Variants in KCNIP1 observed in about 807,000 individuals in gnomAD.
The protein encoded by KCNIP1 is A-type potassium channel modulatory protein KCNIP1.
In KCNIP1, 18 loss-of-function variants were observed where a neutral mutation model predicts 33.0. The observed-to-expected ratio is 0.55, with a 90% CI of 0.38 to 0.81. The LOEUF is 0.81. KCNIP1 is among the 30% of genes least tolerant of loss of function. The pLI is 0.00. For missense variants in KCNIP1, 238 were observed against 271.6 expected (o/e 0.88, Z 0.87); for synonymous variants, 93 against 98.3 (o/e 0.95, Z 0.32).
At chr5:170,726,889 T>C (rs1380344425) in intron 5 of KCNIP1, among the ~76,000 whole-genome samples, 2 of 151,522 alleles carry the variant, frequency 1.3e-5, no homozygotes, top group African/African-American at 2.4e-5. Context: ...CCAGCCTGGG[T>C]GACAGAGCAA....
chr5:170,700,074 C>CT (rs1763039935), intron 1 of KCNIP1, among the ~76,000 whole-genome samples: 1 of 152,168 alleles, frequency 6.6e-6, no homozygotes, highest in South Asian at 2.1e-4. Context: ...CCCTCTGGGC[C>CT]TTGTTCCCTT....
At chr5:170,714,715 A>T (rs1252152056) in intron 1 of KCNIP1, among the ~76,000 whole-genome samples, 3 of 152,146 alleles carry the variant, frequency 2.0e-5, no homozygotes, top group East Asian at 3.8e-4. Context: ...AAAATAAAAA[A>T]TTTTTAAATA....
intron 1 of KCNIP1, among the ~76,000 whole-genome samples, chr5:170,466,054 C>T (rs1350439500): frequency 6.6e-6 from 1 of 152,022 alleles, no homozygotes; most frequent in East Asian, 1.9e-4. Context: ...GTGCATTTTT[C>T]CAGTAAAGAA....
chr5:170,401,817 A>G (rs314139), intron 1 of KCNIP1, among the ~76,000 whole-genome samples: 2,880 of 151,866 alleles, frequency 0.019, 94 homozygotes, highest in African/African-American at 0.067. Context: ...CAGGCCCTGC[A>G]CTAGGCCTGG....
At position 170,368,958 on chromosome 5, in the gene KCNIP1, A is replaced by C. The variant is rs534672462; in HGVS notation, c.88+14994A>C. On this transcript the variant is annotated intron_variant, in intron 1 of 7. Coordinates refer to the KCNIP1 transcript ENST00000377360. ...TTCAGAAACACAAATTCGCATGTGC[A>C]CAGAGAGAGACAGAGACAGAGAGAA... is the stretch of plus-strand genomic sequence containing the variant. 3.3e-5 allele frequency among the ~76,000 whole-genome samples: 5 copies of C among 152,374 alleles called. No individual in the cohort carries two copies. In the East Asian group the frequency reaches 9.6e-4, roughly 29 times the overall value.
At chr5:170,474,066 G>A (rs1561642018) in intron 1 of KCNIP1, among the ~76,000 whole-genome samples, 1 of 152,222 alleles carries the variant, frequency 6.6e-6, no homozygotes, top group Non-Finnish European at 1.5e-5. Context: ...GTTATTATGA[G>A]AAACTGCAGA....
At chr5:170,602,172 T>C (rs2113589805) in intron 1 of KCNIP1, among the ~76,000 whole-genome samples, 1 of 152,318 alleles carries the variant, frequency 6.6e-6, no homozygotes, top group East Asian at 1.9e-4. Flanking sequence ...CATCCTTTGC[T>C]TTGGGGACAG....
At chr5:170,445,748 CT>C (rs1756098693) in intron 1 of KCNIP1, among the ~76,000 whole-genome samples, 2 of 152,350 alleles carry the variant, frequency 1.3e-5, no homozygotes, top group South Asian at 4.1e-4. Flanking sequence ...CCCCCGCTCC[CT>C]TTCCATCTGT....
intron 1 of KCNIP1, among the ~76,000 whole-genome samples, chr5:170,552,047 C>T (rs552385181): frequency 6.6e-6 from 1 of 151,404 alleles, no homozygotes; most frequent in East Asian, 1.9e-4. Flanking sequence ...GTGTTCATGC[C>T]GATGTTCACG....
chr5:170,521,775 T>C (rs1329907550), intron 1 of KCNIP1, among the ~76,000 whole-genome samples: 1 of 152,248 alleles, frequency 6.6e-6, no homozygotes, highest in Non-Finnish European at 1.5e-5. Flanking sequence ...AGAGCAATTA[T>C]ACTTTAGGGT....
intron 1 of KCNIP1, among the ~76,000 whole-genome samples, chr5:170,555,634 A>C (rs1756819416): frequency 6.6e-6 from 1 of 152,128 alleles, no homozygotes; most frequent in African/African-American, 2.4e-5. Flanking sequence ...TGGGTGCTGG[A>C]AAGTTCTGGC....
At chr5:170,503,038 A>G (rs1757448278), upstream of KCNIP1, among the ~76,000 whole-genome samples, 1 of 152,150 alleles carries the variant, frequency 6.6e-6, no homozygotes, top group Non-Finnish European at 1.5e-5. Flanking sequence ...CTGATGGCTA[A>G]TGAATTATTG....
chr5:170,357,501 C>T (rs544624853), intron 1 of KCNIP1, among the ~76,000 whole-genome samples: 26 of 152,160 alleles, frequency 1.7e-4, no homozygotes, highest in Non-Finnish European at 2.8e-4. Context: ...TTTATGAAAG[C>T]CTATGGCCTT....
At chr5:170,684,179 CCT>C (rs1227162556) in intron 1 of KCNIP1, among the ~76,000 whole-genome samples, 1 of 152,138 alleles carries the variant, frequency 6.6e-6, no homozygotes, top group Non-Finnish European at 1.5e-5. Flanking sequence ...TCTTTTTCTC[CCT>C]AGCTTTCTCT....
intron 1 of KCNIP1, among the ~76,000 whole-genome samples, chr5:170,566,153 C>T (rs112653621): frequency 0.02 from 2,995 of 152,288 alleles, 54 homozygotes; most frequent in Non-Finnish European, 0.033. Flanking sequence ...CTCAGCCTCC[C>T]GGGTTCAAGC....
At chr5:170,642,946 A>T (rs141852784) in intron 1 of KCNIP1, among the ~76,000 whole-genome samples, 1 of 152,336 alleles carries the variant, frequency 6.6e-6, no homozygotes, top group African/African-American at 2.4e-5. Flanking sequence ...ATGAGTCCAG[A>T]TGTGGTAGAC....
intron 1 of KCNIP1, among the ~76,000 whole-genome samples, chr5:170,682,115 GA>G: frequency 6.6e-6 from 1 of 152,318 alleles, no homozygotes; most frequent in African/African-American, 2.4e-5. Flanking sequence ...GTAGACAAAG[GA>G]CTAGCTAAAA....
At chr5:170,625,933 TTG>T (rs1759804275) in intron 1 of KCNIP1, among the ~76,000 whole-genome samples, 4 of 152,090 alleles carry the variant, frequency 2.6e-5, no homozygotes, top group African/African-American at 9.7e-5. Context: ...GGGATGGGCA[TTG>T]CAGGCAAGGC....
chr5:170,396,842 T>A (rs80096582), intron 1 of KCNIP1, among the ~76,000 whole-genome samples: 1 of 152,182 alleles, frequency 6.6e-6, no homozygotes. Context: ...GTTAAATCTC[T>A]CTGGGATGAG....
Sources: gnomAD v4.1 joint callset for allele counts (sites outside exome capture counted in the v4.1 genomes callset) on GRCh38, gnomAD v4.1.1 for gene constraint, MANE v1.5 for transcripts, NCBI Gene and HGNC (gene_info 2026-07-23, HGNC 2026-07-21) for gene names.